FBN2: variants seen among roughly 807,000 people sequenced by gnomAD.
The protein encoded by FBN2 is fibrillin-2.
Under a neutral mutation model 355.6 loss-of-function variants are expected in FBN2, and 105 were observed. The ratio of observed to expected loss-of-function variants is 0.30; its 90% CI spans 0.25 to 0.35. The LOEUF (loss-of-function observed/expected upper bound fraction) is 0.35, where lower values mean the gene tolerates loss of function less well. Ranked by LOEUF, FBN2 falls within the 10% of genes least tolerant of loss-of-function variation. The pLI, the probability that FBN2 is intolerant of heterozygous loss-of-function variation, is 1.00. For missense variants in FBN2, 3,280 were observed against 3,758.7 expected, an observed-to-expected ratio of 0.87 and a Z score of 3.33; for synonymous variants, 1,350 against 1,301.2, an observed-to-expected ratio of 1.04 and a Z score of -0.81.
At chr5:128,463,201 T>A (rs1480769551) in intron 6 of FBN2, among the ~76,000 whole-genome samples, 1 of 152,034 alleles carries the variant, frequency 6.6e-6, no homozygotes, top group Non-Finnish European at 1.5e-5. Context: ...AAAGACCATA[T>A]GGAGCACAGT....
At chr5:128,262,002 C>A (rs890032338) in intron 63 of FBN2, 95 bp from the exon 64 acceptor site, 3 of 925,696 alleles carry the variant, frequency 3.2e-6, no homozygotes, top group African/African-American at 1.6e-5. Context: ...ACGAAACCAA[C>A]AGAGCAAACA....
chr5:128,273,803 G>GT lies in FBN2; in HGVS notation c.7840+36dup, dbSNP rs774815791. ...AAGTTAAAAATATATATGGTTTACT[G>GT]TTATTAGATTAAGAATTTTTGAGCA... On this transcript the variant is annotated intron_variant, in intron 61 of 64. Coordinates refer to ENST00000262464, the MANE Select transcript of FBN2 (RefSeq NM_001999.4). 6.3e-6 allele frequency: 10 copies of GT among 1,597,778 alleles called. No homozygotes were observed. In the African/African-American group the frequency reaches 1.1e-4, roughly 17 times the overall value.
At chr5:128,444,173 C>T (rs937529022) in intron 7 of FBN2, among the ~76,000 whole-genome samples, 21 of 148,466 alleles carry the variant, frequency 1.4e-4, no homozygotes, top group South Asian at 2.2e-4. Context: ...CCTGGGTTCA[C>T]GCCATTCTCC....
At chr5:128,437,319 G>A (rs1277485994) in intron 7 of FBN2, among the ~76,000 whole-genome samples, 2 of 152,126 alleles carry the variant, frequency 1.3e-5, no homozygotes, top group African/African-American at 4.8e-5. Flanking sequence ...GAATGAATTA[G>A]AGCAGCATGC....
chr5:128,449,510 GA>G (rs1387850917), intron 6 of FBN2, among the ~76,000 whole-genome samples: 1 of 147,666 alleles, frequency 6.8e-6, no homozygotes. Context: ...TTTGAAAATA[GA>G]ATGTAGTAAG....
chr5:128,338,074 C>T lies in FBN2; in HGVS notation c.3521G>A (p.Cys1174Tyr), dbSNP rs1581226080. Residue 1174 changes from cysteine to tyrosine, a missense_variant, in exon 27 of 65, where the codon TGT (cysteine) becomes TAT (tyrosine). Physicochemically the swap from Cys to Tyr is radical, Grantham distance 194. Around this residue, in one of 6 missense-constraint regions of FBN2, gnomAD observed 2,284 missense variants for 2,749.5 expected, o/e 0.83. Transcript: ENST00000262464. ...CTGAAAGCTGCCCTCAGTGTTCACA[C>T]AGGTGCCACCCCTACAAAGGAGAGG... ...RNPLLCRGGT[C>Y]VNTEGSFQCD... 1 of 1,613,926 alleles carries T rather than the reference C, an allele frequency of 6.2e-7. No individual in the cohort carries two copies. Among genetic ancestry groups the T allele is most frequent in the African/African-American group, 1.3e-5 (1 of 74,920 alleles).
chr5:128,483,439 G>A (rs10520002), intron 5 of FBN2, among the ~76,000 whole-genome samples: 9,945 of 152,098 alleles, frequency 0.065, 417 homozygotes, highest in Non-Finnish European at 0.093. Context: ...AACAAGTTAC[G>A]GAGAGAAACC....
In FBN2 at chr5:128,307,216, A is replaced by G. The variant is rs1385546713; in HGVS notation, c.5354-13T>C. The G allele has an allele frequency of 1.3e-6, 2 of 1,535,324 alleles. No homozygotes were observed. Among genetic ancestry groups the G allele is most frequent in the Non-Finnish European group, 1.8e-6 (2 of 1,108,640 alleles). ...GTTTTAAAGTCAGCTTTAAAATATA[A>G]ACAAAGCAATGCACTCTTAAATTTC... is the stretch of plus-strand genomic sequence containing the variant. On this transcript the variant is annotated splice_polypyrimidine_tract_variant and intron_variant, in intron 41 of 64. Transcript: ENST00000262464.
chr5:128,391,911 G>T, intron 11 of FBN2, 107 bp downstream of exon 11: 2 of 980,572 alleles, frequency 2.0e-6, no homozygotes, highest in Non-Finnish European at 3.2e-6. Context: ...TTGGAAATTA[G>T]CTGTATTTCA....
intron 5 of FBN2, among the ~76,000 whole-genome samples, chr5:128,498,236 G>T (rs188687449): frequency 2.0e-5 from 3 of 152,328 alleles, no homozygotes; most frequent in Admixed American, 1.3e-4. Context: ...GAAGAGTCTG[G>T]CTAGGGCTTA....
chr5:128,536,472 G>A lies in FBN2; in HGVS notation c.267C>T (p.Cys89=). The part of the protein sequence containing the change: ...QQDVLRGPNV[C]GSRFHSYCCP... ...AGCAGTAGGAGTGGAATCTGGAGCC[G>A]CACACGTTGGGCCTGTGATGGACAA... Residue 89 remains cysteine (C), a synonymous_variant, in exon 2 of 65, where the codon TGC becomes TGT. Transcript: ENST00000262464. 1 of 1,613,550 alleles carries A rather than the reference G, an allele frequency of 6.2e-7. No homozygotes were observed. Among genetic ancestry groups the A allele is most frequent in the Non-Finnish European group, 8.5e-7 (1 of 1,179,696 alleles).
At chr5:128,443,375 C>G (rs1311175960) in intron 7 of FBN2, among the ~76,000 whole-genome samples, 5 of 152,152 alleles carry the variant, frequency 3.3e-5, no homozygotes, top group African/African-American at 2.4e-5. Flanking sequence ...CAGCCCAAGT[C>G]AAATAAACTA....
chr5:128,526,111 C>G (rs1444967126), intron 4 of FBN2, among the ~76,000 whole-genome samples: 1 of 151,938 alleles, frequency 6.6e-6, no homozygotes, highest in African/African-American at 2.4e-5. Flanking sequence ...AACTTTATAG[C>G]ACTTATAAAT....
chr5:128,377,423 AGTAGCG>A (rs1752105867), intron 13 of FBN2, among the ~76,000 whole-genome samples: 1 of 152,184 alleles, frequency 6.6e-6, no homozygotes, highest in Admixed American at 6.5e-5. Flanking sequence ...CCTGAAATAC[AGTAGCG>A]GTCAGTAATT....
intron 15 of FBN2, among the ~76,000 whole-genome samples, chr5:128,373,586 G>A (rs1752003677): frequency 6.6e-6 from 1 of 152,106 alleles, no homozygotes; most frequent in African/African-American, 2.4e-5. Flanking sequence ...TCCTATTTCT[G>A]TGTTTTACTG....
intron 2 of FBN2, among the ~76,000 whole-genome samples, chr5:128,533,694 A>T (rs1442324168): frequency 6.6e-6 from 1 of 152,206 alleles, no homozygotes; most frequent in Non-Finnish European, 1.5e-5. Context: ...CATAACATAA[A>T]GGAATTATAC....
intron 32 of FBN2, among the ~76,000 whole-genome samples, chr5:128,331,374 G>A (rs1439518761): frequency 6.6e-6 from 1 of 152,096 alleles, no homozygotes; most frequent in Admixed American, 6.6e-5. Context: ...CGAGTGCATG[G>A]TAAGACACCA....
At chr5:128,300,698 T>C (rs1749689636) in intron 48 of FBN2, 119 bp downstream of exon 48, 1 of 990,380 alleles carries the variant, frequency 1.0e-6, no homozygotes, top group Non-Finnish European at 1.6e-6. Flanking sequence ...GGCAGCTATA[T>C]GTTTAATTCC....
At chr5:128,316,451 G>T (rs1262644068) in intron 36 of FBN2, among the ~76,000 whole-genome samples, 4 of 152,088 alleles carry the variant, frequency 2.6e-5, no homozygotes, top group African/African-American at 9.7e-5. Context: ...ATAAGTCCTT[G>T]TTTTTTTGGC....
Sources: allele counts gnomAD v4.1 joint callset (sites outside exome capture counted in the v4.1 genomes callset), GRCh38; gene constraint gnomAD v4.1.1; regional missense constraint gnomAD v4.1.1; transcripts MANE v1.5; gene names NCBI Gene and HGNC (gene_info 2026-07-23, HGNC 2026-07-21).